Variants in SRGAP1 observed in about 807,000 individuals in gnomAD.
The protein encoded by SRGAP1 is SLIT-ROBO Rho GTPase activating protein 1, also known as SLIT-ROBO Rho GTPase-activating protein 1.
In SRGAP1, 43 loss-of-function variants were observed where a neutral mutation model predicts 121.9. That is an observed-to-expected ratio of 0.35 (90% CI 0.28 to 0.46). The LOEUF (loss-of-function observed/expected upper bound fraction) is 0.46. Ranked by LOEUF, SRGAP1 falls within the 20% of genes least tolerant of loss-of-function variation. The probability of loss-of-function intolerance (pLI) is 1.00; values close to 1 mark genes in which losing one functional copy is unlikely to be tolerated. For synonymous variants in SRGAP1, 447 were observed against 485.4 expected (o/e 0.92, Z 1.04); for missense variants, 1,102 against 1,350.9 (o/e 0.82, Z 2.89).
intron 1 of SRGAP1, among the ~76,000 whole-genome samples, chr12:63,979,547 TGA>T (rs956496878): frequency 7.2e-5 from 11 of 152,186 alleles, no homozygotes; most frequent in African/African-American, 2.7e-4. Flanking sequence ...TCTTCCAGTC[TGA>T]GTCAGTTTCT....
intron 1 of SRGAP1, among the ~76,000 whole-genome samples, chr12:63,896,715 T>C (rs994345558): frequency 3.0e-4 from 45 of 152,212 alleles, no homozygotes; most frequent in African/African-American, 1.1e-3. Flanking sequence ...TTTAAAACTC[T>C]TGTGTATACC....
At position 64,143,179 on chromosome 12, in the gene SRGAP1, A is replaced by C. The variant is rs928796998; in HGVS notation, c.*507A>C. 6.3e-6 allele frequency: 1 copy of C among 158,482 alleles called. No homozygotes were observed. The highest frequency in any genetic ancestry group is 1.4e-5 in the Non-Finnish European group (1 of 71,410). 9.8% of individuals were successfully genotyped at this position (158,482 alleles called of 1,614,324 possible). On this transcript the variant is annotated 3_prime_UTR_variant, in exon 22 of 22. Transcript: ENST00000355086. ...GGTTTAGCTCATGCAAAAGACTTGC[A>C]ATTGTCTCCATGGGACGATCCCAGT...
chr12:63,984,552 C>T (rs1234214244), intron 2 of SRGAP1, among the ~76,000 whole-genome samples: 6 of 151,954 alleles, frequency 3.9e-5, no homozygotes, highest in Non-Finnish European at 1.5e-5. Context: ...GAATTTTGTG[C>T]CCCCCTTCCT....
chr12:63,990,487 G>A (rs368565675), intron 3 of SRGAP1, among the ~76,000 whole-genome samples: 19 of 152,222 alleles, frequency 1.2e-4, no homozygotes, highest in East Asian at 3.9e-4. Context: ...AGCCAAGATC[G>A]TGCCACTGCA....
intron 1 of SRGAP1, among the ~76,000 whole-genome samples, chr12:63,930,353 G>A (rs74099373): frequency 1.7e-4 from 23 of 136,016 alleles, no homozygotes; most frequent in African/African-American, 4.5e-4. Context: ...AAAAAAAAAA[G>A]GGGAGCCCTC....
intron 4 of SRGAP1, among the ~76,000 whole-genome samples, chr12:64,021,119 G>A (rs148272501): frequency 3.3e-5 from 5 of 152,230 alleles, no homozygotes; most frequent in Admixed American, 6.5e-5. Context: ...ATCTGCATTC[G>A]TGGCAACAGA....
chr12:63,882,580 G>A (rs556749275), intron 1 of SRGAP1, among the ~76,000 whole-genome samples: 26 of 152,130 alleles, frequency 1.7e-4, no homozygotes, highest in African/African-American at 6.3e-4. Flanking sequence ...TACCACGCCC[G>A]GCCCTATAAT....
intron 1 of SRGAP1, chr12:63,879,489 A>G (rs1184942544): frequency 6.6e-6 from 1 of 152,220 alleles, no homozygotes; most frequent in African/African-American, 2.4e-5. Context: ...AAAGAAAAAC[A>G]TACAAAACAC....
intron 1 of SRGAP1, among the ~76,000 whole-genome samples, chr12:63,915,796 A>G (rs2030744376): frequency 6.6e-6 from 1 of 152,214 alleles, no homozygotes; most frequent in Non-Finnish European, 1.5e-5. Context: ...TGCCCTGAAG[A>G]GAAAAAGTAA....
chr12:63,939,849 T>C (rs568674361), intron 1 of SRGAP1, among the ~76,000 whole-genome samples: 51 of 152,284 alleles, frequency 3.3e-4, no homozygotes, highest in Non-Finnish European at 6.6e-4. Context: ...AATGGAGAGA[T>C]TGAACCTAAA....
chr12:63,930,053 G>T (rs901861133), intron 1 of SRGAP1, among the ~76,000 whole-genome samples: 15 of 152,142 alleles, frequency 9.9e-5, no homozygotes, highest in African/African-American at 3.6e-4. Flanking sequence ...AATAGATGCT[G>T]GTGAGGTTGT....
chr12:63,984,743 G>A (rs369553721), intron 2 of SRGAP1, among the ~76,000 whole-genome samples: 25 of 151,978 alleles, frequency 1.6e-4, no homozygotes, highest in Admixed American at 7.9e-4. Flanking sequence ...GGGCCAGGTG[G>A]GGTGGCTCAT....
chr12:63,950,614 G>A (rs2032255592), intron 1 of SRGAP1, among the ~76,000 whole-genome samples: 1 of 152,006 alleles, frequency 6.6e-6, no homozygotes, highest in Non-Finnish European at 1.5e-5. Flanking sequence ...TCTGAGAAAG[G>A]TTTACCTCTT....
At chr12:63,897,344 C>A (rs3851606) in intron 1 of SRGAP1, among the ~76,000 whole-genome samples, 67,732 of 152,014 alleles carry the variant, frequency 0.45, 15,552 homozygotes, top group East Asian at 0.73. Flanking sequence ...CAAATTTAGG[C>A]TTGATAATAT....
At chr12:63,981,828 G>T (rs771911007) in intron 1 of SRGAP1, among the ~76,000 whole-genome samples, 1 of 152,090 alleles carries the variant, frequency 6.6e-6, no homozygotes, top group South Asian at 2.1e-4. Context: ...TGAGGGCAGA[G>T]ATCTTGTTTC....
At chr12:64,067,333 C>G (rs1164881887) in intron 8 of SRGAP1, among the ~76,000 whole-genome samples, 3 of 152,076 alleles carry the variant, frequency 2.0e-5, no homozygotes, top group Admixed American at 6.6e-5. Flanking sequence ...TCTGTTGAGC[C>G]TAGGAGTTCG....
At chr12:63,930,701 T>G (rs1387950617) in intron 1 of SRGAP1, among the ~76,000 whole-genome samples, 1 of 151,646 alleles carries the variant, frequency 6.6e-6, no homozygotes, top group Non-Finnish European at 1.5e-5. Context: ...AGCGAGTGAG[T>G]GAATTGTTTG....
chr12:63,973,594 T>C (rs986815388), intron 1 of SRGAP1, among the ~76,000 whole-genome samples: 5 of 152,202 alleles, frequency 3.3e-5, no homozygotes, highest in Non-Finnish European at 7.4e-5. Flanking sequence ...TTATTAGATA[T>C]AAATGTTAAA....
At chr12:64,113,326 C>T (rs1481999464) in intron 17 of SRGAP1, among the ~76,000 whole-genome samples, 2 of 151,706 alleles carry the variant, frequency 1.3e-5, no homozygotes, top group South Asian at 2.1e-4. Context: ...GGGAATTGCT[C>T]GAACATGGGA....
Sources: gnomAD v4.1 joint callset for allele counts (sites outside exome capture counted in the v4.1 genomes callset) on GRCh38, gnomAD v4.1.1 for gene constraint, MANE v1.5 for transcripts, NCBI Gene and HGNC (gene_info 2026-07-23, HGNC 2026-07-21) for gene names.